Variants in ARFGEF2 observed in about 807,000 individuals in gnomAD.
ARFGEF2 encodes the protein ARF guanine nucleotide exchange factor 2, also known as brefeldin A-inhibited guanine nucleotide-exchange protein 2.
In ARFGEF2, 74 loss-of-function variants were observed where a neutral mutation model predicts 219.9. The ratio of observed to expected loss-of-function variants is 0.34; its 90% CI spans 0.28 to 0.41. ARFGEF2 has a LOEUF of 0.41. Ranked by LOEUF, ARFGEF2 falls within the 10% of genes least tolerant of loss-of-function variation. The pLI, the probability that ARFGEF2 is intolerant of heterozygous loss-of-function variation, is 1.00. For synonymous variants in ARFGEF2, 733 were observed against 799.2 expected (o/e 0.92, Z 1.40); for missense variants, 1,743 against 2,218.3 (o/e 0.79, Z 4.30).
chr20:49,016,446 C>A, intron 31 of ARFGEF2, 31 bp downstream of exon 31: 1 of 1,605,914 alleles, frequency 6.2e-7, no homozygotes. Flanking sequence ...CATCATTTTT[C>A]TTACATAGTC....
At chr20:48,934,326 C>T (rs546389038) in intron 1 of ARFGEF2, among the ~76,000 whole-genome samples, 1 of 152,006 alleles carries the variant, frequency 6.6e-6, no homozygotes, top group East Asian at 1.9e-4. Context: ...TCCTTTTTCT[C>T]CCTCCGTTTA....
At chr20:49,022,154 C>CAAAAAAA (rs58870256) in intron 34 of ARFGEF2, among the ~76,000 whole-genome samples, 1 of 70,206 alleles carries the variant, frequency 1.4e-5, no homozygotes, top group Non-Finnish European at 2.9e-5. Flanking sequence ...GACTCCGTCT[C>CAAAAAAA]AAAAAAAAAA....
Position 48,953,808 on chromosome 20 carries a change from A to G in ARFGEF2, c.838+18A>G, listed in dbSNP as rs1352310546. The G allele has an allele frequency of 6.2e-7, 1 of 1,609,692 alleles. No homozygotes were observed. Reference sequence around the variant, plus strand: ...ACTGTCAGGTACGGGCTGATACGGTATGGCTCTTTTTCCAAGTGTGAGAGG... The same window carrying G: ...ACTGTCAGGTACGGGCTGATACGGTGTGGCTCTTTTTCCAAGTGTGAGAGG... On this transcript the variant is annotated intron_variant, in intron 6 of 38. Coordinates refer to ENST00000371917, the MANE Select transcript of ARFGEF2 (RefSeq NM_006420.3).
chr20:48,976,415 A>G (rs1172876325), intron 14 of ARFGEF2, among the ~76,000 whole-genome samples: 1 of 152,196 alleles, frequency 6.6e-6, no homozygotes, highest in East Asian at 1.9e-4. Flanking sequence ...TGTGTGGTTG[A>G]TGCAGCCTTT....
chr20:49,029,615 G>A (rs985615567), intron 37 of ARFGEF2, among the ~76,000 whole-genome samples: 5 of 150,206 alleles, frequency 3.3e-5, no homozygotes, highest in African/African-American at 4.9e-5. Flanking sequence ...TTTTTGAGAC[G>A]GAGTCTTGCT....
intron 26 of ARFGEF2, among the ~76,000 whole-genome samples, chr20:49,009,948 G>T (rs3818223): frequency 2.0e-5 from 3 of 152,078 alleles, no homozygotes; most frequent in Non-Finnish European, 2.9e-5. Flanking sequence ...GCCTGGATAG[G>T]GACCATTTAT....
intron 25 of ARFGEF2, 28 bp downstream of exon 25, chr20:48,998,533 C>T (rs763545524): frequency 1.3e-6 from 2 of 1,582,156 alleles, no homozygotes; most frequent in Non-Finnish European, 1.7e-6. Context: ...AAAACCATTC[C>T]TGTTAAAAAA....
At chr20:49,013,365 A>G (rs917335387) in intron 28 of ARFGEF2, among the ~76,000 whole-genome samples, 199 bp from the exon 29 acceptor site, 2 of 150,974 alleles carry the variant, frequency 1.3e-5, no homozygotes, top group Non-Finnish European at 2.9e-5. Flanking sequence ...GCAGAGGTCC[A>G]TAGGTTTGTA....
intron 25 of ARFGEF2, among the ~76,000 whole-genome samples, chr20:49,004,185 A>G (rs1179260636): frequency 6.6e-6 from 1 of 151,852 alleles, no homozygotes. Context: ...ACATGGTGAA[A>G]CCCTGTCTCT....
chr20:49,023,994 C>G (rs2091585417), intron 35 of ARFGEF2, among the ~76,000 whole-genome samples: 1 of 152,012 alleles, frequency 6.6e-6, no homozygotes, highest in Non-Finnish European at 1.5e-5. Flanking sequence ...GACAAAGTCT[C>G]ACTCTGTCAC....
intron 37 of ARFGEF2, among the ~76,000 whole-genome samples, chr20:49,031,449 G>A (rs965251555): frequency 5.9e-5 from 9 of 151,830 alleles, no homozygotes; most frequent in African/African-American, 2.2e-4. Context: ...GGGCTGTCTC[G>A]AACTCCTGGC....
At chr20:48,971,888 G>A (rs912479197) in intron 10 of ARFGEF2, among the ~76,000 whole-genome samples, 46 of 151,512 alleles carry the variant, frequency 3.0e-4, no homozygotes, top group Non-Finnish European at 1.8e-4. Context: ...GCAACAGGGC[G>A]AGACTCCATC....
At chr20:48,951,984 C>T (rs1046181357) in intron 4 of ARFGEF2, among the ~76,000 whole-genome samples, 1 of 152,074 alleles carries the variant, frequency 6.6e-6, no homozygotes, top group Non-Finnish European at 1.5e-5. Context: ...TTTCTTAAAG[C>T]TCCCTTGAAA....
intron 26 of ARFGEF2, among the ~76,000 whole-genome samples, chr20:49,006,233 A>G (rs6063346): frequency 0.25 from 37,366 of 151,878 alleles, 5,272 homozygotes; most frequent in East Asian, 0.47. Context: ...GGTGGAGGTT[A>G]TAGTGAGCCA....
intron 1 of ARFGEF2, among the ~76,000 whole-genome samples, chr20:48,923,414 A>C (rs1431697366): frequency 3.3e-5 from 5 of 152,228 alleles, no homozygotes; most frequent in African/African-American, 1.2e-4. Flanking sequence ...CCTGGCTTTC[A>C]TCAGATTTTC....
At chr20:48,982,588 C>T (rs1254184730) in intron 14 of ARFGEF2, among the ~76,000 whole-genome samples, 1 of 152,194 alleles carries the variant, frequency 6.6e-6, no homozygotes, top group Non-Finnish European at 1.5e-5. Flanking sequence ...TTCAGCTATG[C>T]CCTGCCCCCA....
intron 6 of ARFGEF2, among the ~76,000 whole-genome samples, chr20:48,958,460 G>A (rs1408019209): frequency 2.0e-5 from 3 of 148,466 alleles, no homozygotes; most frequent in African/African-American, 4.9e-5. Flanking sequence ...TTTTTGAGAC[G>A]GAGTCTCGCT....
chr20:49,010,768 C>T (rs1394864322), intron 27 of ARFGEF2, among the ~76,000 whole-genome samples: 2 of 152,198 alleles, frequency 1.3e-5, no homozygotes, highest in East Asian at 1.9e-4. Context: ...TGTGTATACT[C>T]ACTAAAATGT....
chr20:49,008,544 C>G lies in ARFGEF2; in HGVS notation c.3585-1688C>G, dbSNP rs559607294. 2.9e-4 allele frequency among the ~76,000 whole-genome samples: 42 copies of G among 145,558 alleles called. 1 individual carries two copies. The South Asian group carries it at 9.1e-3, about 31-fold the overall frequency. ...CACCACTGCACTCCAGCCTGAATGA[C>G]GAGAGAAACTCCATCTCAAAAAAAA... On this transcript the variant is annotated intron_variant, in intron 26 of 38. Coordinates refer to ENST00000371917, the MANE Select transcript of ARFGEF2 (RefSeq NM_006420.3).
Sources: gnomAD v4.1 joint callset for allele counts (sites outside exome capture counted in the v4.1 genomes callset) on GRCh38, gnomAD v4.1.1 for gene constraint, MANE v1.5 for transcripts, NCBI Gene and HGNC (gene_info 2026-07-23, HGNC 2026-07-21) for gene names.